WLS: variants seen among roughly 807,000 people sequenced by gnomAD.
WLS encodes the protein protein wntless homolog.
In WLS, 23 loss-of-function variants were observed where a neutral mutation model predicts 62.8. The ratio of observed to expected loss-of-function variants is 0.37; its 90% CI spans 0.26 to 0.52. The LOEUF is 0.52. Among genes scored for constraint, WLS ranks in the 20% least tolerant of loss-of-function variants. The pLI is 0.92. For synonymous variants in WLS, 246 were observed against 244.1 expected, an observed-to-expected ratio of 1.01 and a Z score of -0.07; for missense variants, 615 against 697.3, an observed-to-expected ratio of 0.88 and a Z score of 1.33.
At chr1:68,131,780 T>C (rs1445144204) in intron 11 of WLS, among the ~76,000 whole-genome samples, 1 of 152,078 alleles carries the variant, frequency 6.6e-6, no homozygotes, top group Non-Finnish European at 1.5e-5. Flanking sequence ...AAGAAGTAAT[T>C]AAGTTAACAA....
chr1:68,183,896 C>G (rs1647746322), intron 2 of WLS, among the ~76,000 whole-genome samples: 1 of 151,826 alleles, frequency 6.6e-6, no homozygotes, highest in African/African-American at 2.4e-5. Context: ...AATCACTTGC[C>G]ACTTATAGAA....
chr1:68,230,574 T>TGG (rs1650359870), intron 1 of WLS, among the ~76,000 whole-genome samples: 5 of 89,896 alleles, frequency 5.6e-5, no homozygotes, highest in African/African-American at 1.7e-4. Context: ...CCAACCCGTG[T>TGG]GTGTGTGTGC....
At chr1:68,116,418 G>T (rs1449308970) in intron 11 of WLS, among the ~76,000 whole-genome samples, 1 of 152,122 alleles carries the variant, frequency 6.6e-6, no homozygotes, top group Non-Finnish European at 1.5e-5. Flanking sequence ...CAAAATTTTG[G>T]GCAGGAAGGG....
intron 1 of WLS, among the ~76,000 whole-genome samples, chr1:68,208,695 A>G (rs879813208): frequency 2.0e-5 from 3 of 152,210 alleles, no homozygotes; most frequent in African/African-American, 4.8e-5. Flanking sequence ...TGGACCAAAG[A>G]GGCTATGTCT....
chr1:68,194,149 C>A lies in WLS; in HGVS notation c.185G>T (p.Trp62Leu). ...DARKNHHKTKWFVPWGPNHCD... is the reference protein window; with the variant it reads ...DARKNHHKTKLFVPWGPNHCD... ...ATGATTGGGTCCCCAAGGCACGAAC[C>A]ATTTTGTCTTGTGATGGTTCTTACG... Residue 62 changes from tryptophan to leucine, a missense_variant, in exon 2 of 12, where the codon TGG becomes TTG. Transcript: ENST00000262348. 1.2e-6 allele frequency: 2 copies of A among 1,614,208 alleles called. No individual in the cohort carries two copies. Among genetic ancestry groups the A allele is most frequent in the Non-Finnish European group, 1.7e-6 (2 of 1,180,036 alleles).
chr1:68,101,726 T>TG (rs1488717123), intron 11 of WLS, among the ~76,000 whole-genome samples: 2 of 152,168 alleles, frequency 1.3e-5, no homozygotes, highest in Non-Finnish European at 2.9e-5. Context: ...CTTCATGAAT[T>TG]GGGGGTGAGT....
At chr1:68,231,095 T>C (rs957694388) in intron 1 of WLS, among the ~76,000 whole-genome samples, 8 of 152,316 alleles carry the variant, frequency 5.3e-5, no homozygotes, top group Middle Eastern at 3.4e-3. Flanking sequence ...AAAGTTGGCA[T>C]TGAAGTTTGT....
chr1:68,124,283 G>C (rs1646397960), downstream of WLS, among the ~76,000 whole-genome samples: 1 of 152,132 alleles, frequency 6.6e-6, no homozygotes, highest in Non-Finnish European at 1.5e-5. Context: ...TAATATCTGA[G>C]GCTAAGTCTT....
intron 11 of WLS, 50 bp from the exon 12 acceptor site, chr1:68,126,385 A>G: frequency 6.2e-7 from 1 of 1,609,100 alleles, no homozygotes; most frequent in African/African-American, 1.3e-5. Flanking sequence ...AAGGAGAAGC[A>G]AGCTGGGGTT....
intron 11 of WLS, among the ~76,000 whole-genome samples, chr1:68,107,990 C>T (rs539587282): frequency 3.7e-4 from 56 of 152,150 alleles, no homozygotes; most frequent in African/African-American, 1.2e-3. Flanking sequence ...GGGACAATCC[C>T]GAGGCCAAAA....
intron 11 of WLS, among the ~76,000 whole-genome samples, chr1:68,129,524 G>A (rs1646487709): frequency 6.6e-6 from 1 of 152,178 alleles, no homozygotes; most frequent in Non-Finnish European, 1.5e-5. Context: ...AGCTACTGTG[G>A]CATAATTAAT....
At chr1:68,106,115 C>G (rs1176946891) in intron 11 of WLS, among the ~76,000 whole-genome samples, 2 of 151,908 alleles carry the variant, frequency 1.3e-5, no homozygotes, top group Admixed American at 1.3e-4. Context: ...AGAATCACAG[C>G]CAAAAACAAC....
At chr1:68,225,036 G>A (rs1246861464) in intron 1 of WLS, among the ~76,000 whole-genome samples, 2 of 152,050 alleles carry the variant, frequency 1.3e-5, no homozygotes, top group African/African-American at 4.8e-5. Flanking sequence ...GAAAATTGAA[G>A]AAAGTAAAGT....
chr1:68,111,596 C>T (rs1326403939), intron 11 of WLS, among the ~76,000 whole-genome samples: 9 of 152,310 alleles, frequency 5.9e-5, no homozygotes, highest in East Asian at 3.9e-4. Context: ...ACCCTAAATG[C>T]CAGTGTGCCC....
intron 8 of WLS, among the ~76,000 whole-genome samples, chr1:68,146,426 A>G (rs1281068295): frequency 6.6e-6 from 1 of 152,176 alleles, no homozygotes; most frequent in Non-Finnish European, 1.5e-5. Flanking sequence ...AATCACCAGA[A>G]GGGTTCAAAT....
chr1:68,224,780 G>A (rs995603773), intron 1 of WLS, among the ~76,000 whole-genome samples: 1 of 152,046 alleles, frequency 6.6e-6, no homozygotes, highest in African/African-American at 2.4e-5. Context: ...GAAAAGGTGG[G>A]GGGGATTGAG....
At position 68,158,669 on chromosome 1, in the gene WLS, G is replaced by A. The variant is rs112235767; in HGVS notation, c.504+454C>T. Among the ~76,000 whole-genome samples, 298 of 152,144 alleles carry A rather than the reference G, an allele frequency of 2.0e-3. 2 individuals carry two copies. The highest frequency in any genetic ancestry group is 4.6e-3 in the African/African-American group (191 of 41,496). On this transcript the variant is annotated intron_variant, in intron 3 of 11. Transcript: ENST00000262348. Reference sequence around the variant, plus strand: ...TTTACATTGGGCCACATTCAAAGCCGTCCTGGGCTGCATGCGGCCCGCAGG... The same window carrying A: ...TTTACATTGGGCCACATTCAAAGCCATCCTGGGCTGCATGCGGCCCGCAGG...
chr1:68,149,799 G>A (rs1310383848), intron 6 of WLS, among the ~76,000 whole-genome samples: 1 of 152,186 alleles, frequency 6.6e-6, no homozygotes, highest in African/African-American at 2.4e-5. Context: ...GACAGGACAA[G>A]CAGGGCAGAA....
At chr1:68,110,683 CT>C (rs1212693497) in intron 11 of WLS, among the ~76,000 whole-genome samples, 4 of 141,316 alleles carry the variant, frequency 2.8e-5, no homozygotes, top group African/African-American at 7.6e-5. Flanking sequence ...CTCTCTCTCT[CT>C]CTCTCTCCAT....
Sources: gnomAD v4.1 joint callset for allele counts (sites outside exome capture counted in the v4.1 genomes callset) on GRCh38, gnomAD v4.1.1 for gene constraint, MANE v1.5 for transcripts, NCBI Gene and HGNC (gene_info 2026-07-23, HGNC 2026-07-21) for gene names.